Variants in SCUBE2 observed in about 807,000 individuals in gnomAD.
SCUBE2 encodes signal peptide, CUB and EGF-like domain-containing protein 2.
Under a neutral mutation model 125.9 loss-of-function variants are expected in SCUBE2, and 114 were observed. The ratio of observed to expected loss-of-function variants is 0.91; its 90% CI spans 0.78 to 1.06. SCUBE2 has a LOEUF of 1.06. SCUBE2 is among the 50% of genes least tolerant of loss of function. SCUBE2 has a pLI of 0.00. For missense variants in SCUBE2, 1,255 were observed against 1,301.8 expected (o/e 0.96, Z 0.55); for synonymous variants, 459 against 492.9 (o/e 0.93, Z 0.91).
intron 9 of SCUBE2, among the ~76,000 whole-genome samples, chr11:9,057,729 T>C (rs1859224156): frequency 6.6e-6 from 1 of 152,034 alleles, no homozygotes; most frequent in Non-Finnish European, 1.5e-5. Context: ...GACGGGGTTT[T>C]GCCGTGTTGG....
intron 7 of SCUBE2, chr11:9,064,538 G>T (rs1860022535): frequency 6.6e-6 from 1 of 151,566 alleles, no homozygotes; most frequent in African/African-American, 2.4e-5. Flanking sequence ...TCAGAAATAT[G>T]GGGGAGGAGG....
At chr11:9,050,933 G>A (rs1396101815) in intron 13 of SCUBE2, among the ~76,000 whole-genome samples, 1 of 152,176 alleles carries the variant, frequency 6.6e-6, no homozygotes, top group African/African-American at 2.4e-5. Context: ...CCTCATGTGA[G>A]AGGCAAATCC....
At chr11:9,060,702 T>G (rs958584947) in intron 7 of SCUBE2, among the ~76,000 whole-genome samples, 178 bp from the exon 8 acceptor site, 8 of 152,068 alleles carry the variant, frequency 5.3e-5, no homozygotes, top group African/African-American at 1.2e-4. Context: ...CTAAATGAGT[T>G]CTAGTTTCTG....
At chr11:9,082,920 A>G (rs1348567885) in intron 2 of SCUBE2, among the ~76,000 whole-genome samples, 1 of 152,024 alleles carries the variant, frequency 6.6e-6, no homozygotes, top group Non-Finnish European at 1.5e-5. Context: ...TTTACTAAAA[A>G]TCACTGACTT....
chr11:9,028,178 G>C (rs564344608), intron 19 of SCUBE2, among the ~76,000 whole-genome samples: 1 of 151,742 alleles, frequency 6.6e-6, no homozygotes, highest in East Asian at 2.0e-4. Flanking sequence ...GGGACCATAT[G>C]CAAGTGCCAT....
chr11:9,057,763 CCA>C (rs1859231337), intron 9 of SCUBE2, among the ~76,000 whole-genome samples: 1 of 152,064 alleles, frequency 6.6e-6, no homozygotes, highest in South Asian at 2.1e-4. Flanking sequence ...AAACTCCTGG[CCA>C]CAAGTGATCG....
At chr11:9,031,029 A>G (rs1435611086) in intron 17 of SCUBE2, 104 bp from the exon 18 acceptor site, 1 of 1,066,464 alleles carries the variant, frequency 9.4e-7, no homozygotes, top group African/African-American at 1.6e-5. Context: ...CCCAGTGCTG[A>G]CCGCAGTTCC....
At chr11:9,056,297 AAC>A (rs1294106352) in intron 9 of SCUBE2, among the ~76,000 whole-genome samples, 1 of 152,242 alleles carries the variant, frequency 6.6e-6, no homozygotes, top group African/African-American at 2.4e-5. Flanking sequence ...CTATTAGTAA[AAC>A]AGCAATATTA....
intron 21 of SCUBE2, among the ~76,000 whole-genome samples, chr11:9,024,015 A>C (rs1855522646): frequency 6.6e-6 from 1 of 152,086 alleles, no homozygotes; most frequent in Non-Finnish European, 1.5e-5. Flanking sequence ...GAAAAAAAAA[A>C]AACTCTGAGT....
chr11:9,045,189 G>T (rs566638004), intron 16 of SCUBE2, among the ~76,000 whole-genome samples: 1 of 152,080 alleles, frequency 6.6e-6, no homozygotes, highest in Admixed American at 6.6e-5. Context: ...TTTATTGAAT[G>T]ACTATATAAA....
At position 9,091,470 on chromosome 11, in the gene SCUBE2, A is replaced by G. The variant is rs767042354; in HGVS notation, c.59T>C (p.Leu20Pro). Residue 20 changes from leucine (L) to proline (P), a missense_variant, in exon 1 of 23, where the codon CTG becomes CCG. Physicochemically the swap from Leu to Pro is moderately conservative, Grantham distance 98. This residue lies in a region of SCUBE2 where 362 missense variants were observed against 323.0 expected (regional missense o/e 1.12). Coordinates refer to ENST00000649792, the MANE Select transcript of SCUBE2 (RefSeq NM_001367977.2). This position sits in a 1 kb window ranked among gnomAD's most constrained non-coding sequence, Gnocchi z 8.5. ...GAAWAVLLLL[L>P]LLPPLLLLAG... ...CAGCAGCAGCAGTGGCGGCAGCAGC[A>G]GCAGCAGCAGCAGCACCGCCCAGGC... 3.9e-6 allele frequency: 5 copies of G among 1,268,066 alleles called. No homozygotes were observed. The highest frequency in any genetic ancestry group is 2.8e-4 in the Middle Eastern group (1 of 3,536). 78.6% of individuals were successfully genotyped at this position (1,268,066 alleles called of 1,614,324 possible). A position where few individuals can be genotyped will look rare whatever the true frequency, so the allele number is the denominator to read the frequency against.
At chr11:9,043,021 C>T (rs954024927) in intron 16 of SCUBE2, among the ~76,000 whole-genome samples, 2 of 152,140 alleles carry the variant, frequency 1.3e-5, no homozygotes, top group East Asian at 1.9e-4. Flanking sequence ...GGACACTTCC[C>T]GAGTAAATCC....
intron 16 of SCUBE2, among the ~76,000 whole-genome samples, chr11:9,036,318 A>G (rs1157626626): frequency 1.3e-5 from 2 of 152,258 alleles, no homozygotes; most frequent in Non-Finnish European, 2.9e-5. Context: ...GCCCTACTGG[A>G]TAATGGTTTC....
intron 2 of SCUBE2, among the ~76,000 whole-genome samples, chr11:9,087,542 A>G (rs1862205308): frequency 6.6e-6 from 1 of 151,932 alleles, no homozygotes; most frequent in Non-Finnish European, 1.5e-5. Flanking sequence ...AGAGAAAGAG[A>G]GAGAGAGCGT....
At chr11:9,068,461 T>C (rs1162927700) in intron 5 of SCUBE2, among the ~76,000 whole-genome samples, 1 of 151,854 alleles carries the variant, frequency 6.6e-6, no homozygotes, top group Non-Finnish European at 1.5e-5. Context: ...AGAGGAAAAA[T>C]GAGGCAAGGT....
At chr11:9,057,212 T>C (rs1312825959) in intron 9 of SCUBE2, 1 of 152,254 alleles carries the variant, frequency 6.6e-6, no homozygotes, top group Non-Finnish European at 1.5e-5. Context: ...ATCACTTTTC[T>C]AATTCCTTTT....
In SCUBE2 at chr11:9,027,797, G is replaced by A. The variant is rs529520985; in HGVS notation, c.2504-236C>T. Among the ~76,000 whole-genome samples, 17 of 152,198 alleles carry A rather than the reference G, an allele frequency of 1.1e-4. No homozygotes were observed. In the East Asian group the frequency reaches 1.2e-3, roughly 10 times the overall value. ...TGAGGCACTGTTTTCTCATTAGCCC[G>A]AAAGTGTTCACGGTCAGGGCAGGTA... On this transcript the variant is annotated intron_variant, in intron 19 of 22. Transcript: ENST00000649792.
At chr11:9,030,409 C>G in intron 18 of SCUBE2, 1 of 402,122 alleles carries the variant, frequency 2.5e-6, no homozygotes, top group Non-Finnish European at 4.5e-6. Context: ...GAAAAGGCAG[C>G]TGGAGTGGGG....
rs1405636097 is a variant in SCUBE2, at chr11:9,020,925, CTAA to C, written c.*117_*119del. ...CTGTATTATCTATAAAAATTGAACT[CTAA>C]TGAGTCACTGATACGGGAGGCAGCA... is the stretch of plus-strand genomic sequence containing the variant. On this transcript the variant is annotated 3_prime_UTR_variant, in exon 23 of 23. Coordinates refer to ENST00000649792, the MANE Select transcript of SCUBE2 (RefSeq NM_001367977.2). 1.1e-6 allele frequency: 1 copy of C among 874,136 alleles called. No individual in the cohort carries two copies. Among genetic ancestry groups the C allele is most frequent in the African/African-American group, 1.7e-5 (1 of 58,360 alleles). 54.1% of individuals were successfully genotyped at this position (874,136 alleles called of 1,614,324 possible).
Sources: allele counts gnomAD v4.1 joint callset (sites outside exome capture counted in the v4.1 genomes callset), GRCh38; gene constraint gnomAD v4.1.1; regional missense constraint gnomAD v4.1.1; non-coding constraint Gnocchi (gnomAD v3.1); transcripts MANE v1.5; gene names NCBI Gene and HGNC (gene_info 2026-07-23, HGNC 2026-07-21).